PHACTR2: variants seen among roughly 807,000 people sequenced by gnomAD.
PHACTR2 encodes the protein phosphatase and actin regulator 2.
A neutral mutation model predicts 76.0 loss-of-function variants in PHACTR2; 30 were observed. The ratio of observed to expected loss-of-function variants is 0.39; its 90% CI spans 0.30 to 0.54. The LOEUF (loss-of-function observed/expected upper bound fraction) is 0.54. PHACTR2 is among the 20% of genes least tolerant of loss of function. PHACTR2 has a pLI of 0.61. For missense variants in PHACTR2, 696 were observed against 781.1 expected (o/e 0.89, Z 1.30); for synonymous variants, 292 against 292.5 (o/e 1.00, Z 0.02).
rs953098300 is a variant in PHACTR2 at position 143,671,459 on chromosome 6, T to C, written c.14-40557T>C. ...CCTTTGTGTTTTTGCTTAAACATTA[T>C]CTTCTCAGTGAGGACAACTGTGAAC... On this transcript the variant is annotated intron_variant, in intron 1 of 11. Coordinates refer to the PHACTR2 transcript ENST00000305766. This position sits in a 1 kb window ranked among gnomAD's most constrained non-coding sequence, Gnocchi z 4.6. Among the ~76,000 whole-genome samples, 1 of 152,252 alleles carries C rather than the reference T, an allele frequency of 6.6e-6. No homozygotes were observed. Among genetic ancestry groups the C allele is most frequent in the African/African-American group, 2.4e-5 (1 of 41,476 alleles).
chr6:143,795,717 TTAG>T lies in PHACTR2; in HGVS notation c.1845+6812_1845+6814del, dbSNP rs573363390. Among the ~76,000 whole-genome samples, 192 of 152,332 alleles carry T rather than the reference TTAG, an allele frequency of 1.3e-3. No individual in the cohort carries two copies. Among genetic ancestry groups the T allele is most frequent in the African/African-American group, 4.4e-3 (181 of 41,586 alleles). On this transcript the variant is annotated intron_variant, in intron 11 of 12. Coordinates refer to ENST00000440869, the MANE Select transcript of PHACTR2 (RefSeq NM_001100164.2). The surrounding 1 kb of genome is among the most constrained non-coding windows in gnomAD (Gnocchi z 4.8). ...ATGGATTGATCCTTGACTTGGCCAC[TTAG>T]TAGTTGTTTGACCTTGGCCAAGTCA...
intron 1 of PHACTR2, among the ~76,000 whole-genome samples, chr6:143,588,050 A>AAATAC (rs777314759): frequency 6.6e-6 from 1 of 151,350 alleles, no homozygotes; most frequent in Non-Finnish European, 1.5e-5. Context: ...AAATAAAATA[A>AAATAC]AATACTAGTC....
In PHACTR2 at chr6:143,722,997, T is replaced by A. The variant is rs1778478001; in HGVS notation, c.214+10814T>A. The stretch of plus-strand genomic sequence containing the variant: ...GTGGAATAATATTCCATTGTGTATA[T>A]GTACTACATTTTCTTTACCCATTCA... On this transcript the variant is annotated intron_variant, in intron 2 of 12. Transcript: ENST00000440869. This position sits in a 1 kb window ranked among gnomAD's most constrained non-coding sequence, Gnocchi z 4.1. Among the ~76,000 whole-genome samples, 1 of 152,244 alleles carries A rather than the reference T, an allele frequency of 6.6e-6. No individual in the cohort carries two copies. Among genetic ancestry groups the A allele is most frequent in the Non-Finnish European group, 1.5e-5 (1 of 68,042 alleles).
At chr6:143,572,289 AGCATCTCT>A (rs1775454004) in intron 1 of PHACTR2, among the ~76,000 whole-genome samples, 1 of 152,220 alleles carries the variant, frequency 6.6e-6, no homozygotes, top group Non-Finnish European at 1.5e-5. Context: ...TTTTGATAAC[AGCATCTCT>A]GTTTCTCTGG....
At chr6:143,601,754 T>C (rs1370433175) in intron 1 of PHACTR2, among the ~76,000 whole-genome samples, 2 of 152,226 alleles carry the variant, frequency 1.3e-5, no homozygotes, top group African/African-American at 4.8e-5. Context: ...TCTTCTGCAT[T>C]GTTACTGTAA....
At chr6:143,635,316 A>ATGTGTGTGTG (rs71834478) in intron 1 of PHACTR2, among the ~76,000 whole-genome samples, 16 of 149,928 alleles carry the variant, frequency 1.1e-4, no homozygotes, top group African/African-American at 3.7e-4. Context: ...AGCATTTAGG[A>ATGTGTGTGTG]TGTGTGTGTG....
chr6:143,707,955 A>G (rs1778091035), intron 1 of PHACTR2, among the ~76,000 whole-genome samples: 1 of 152,108 alleles, frequency 6.6e-6, no homozygotes, highest in African/African-American at 2.4e-5. Context: ...AACAACTGGA[A>G]TTCATATGAT....
At chr6:143,582,537 A>G (rs1775587657) in intron 1 of PHACTR2, among the ~76,000 whole-genome samples, 1 of 152,146 alleles carries the variant, frequency 6.6e-6, no homozygotes, top group Non-Finnish European at 1.5e-5. Flanking sequence ...ATGATCAGGT[A>G]TGGATTTATA....
Position 143,765,319 on chromosome 6 carries a change from T to G in PHACTR2, c.753T>G (p.Thr251=). 1 of 1,614,162 alleles carries G rather than the reference T, an allele frequency of 6.2e-7. No homozygotes were observed. The highest frequency in any genetic ancestry group is 8.5e-7 in the Non-Finnish European group (1 of 1,180,020). The change falls in exon 6 of 13, where the codon ACT becomes ACG. Residue 251 remains threonine, a synonymous_variant. Transcript: ENST00000440869. This position sits in a 1 kb window ranked among gnomAD's most constrained non-coding sequence, Gnocchi z 4.1. ...TGSKASASPS[T]SSTSSRPKAS... ...CTAAAGCATCAGCTTCGCCATCCAC[T>G]TCATCCACCTCATCTCGTCCCAAAG...
chr6:143,712,767 C>A (rs943467484), intron 2 of PHACTR2, among the ~76,000 whole-genome samples: 4 of 152,110 alleles, frequency 2.6e-5, no homozygotes, highest in African/African-American at 9.7e-5. Context: ...ATCCTTAGGA[C>A]AAATAAATGG....
At chr6:143,705,037 A>G (rs1320862535) in intron 1 of PHACTR2, among the ~76,000 whole-genome samples, 1 of 152,020 alleles carries the variant, frequency 6.6e-6, no homozygotes, top group Non-Finnish European at 1.5e-5. Context: ...TGTGTTAGCC[A>G]GATGGTCTCC....
In PHACTR2 at chr6:143,581,204, G is replaced by C. The variant is rs1214543777; in HGVS notation, c.217+43997G>C. ...ACCCTTGTTCTCAAGTCTCCGTGTG[G>C]ACAGGGGATGAGGGTTACCTGGTTT... is the stretch of plus-strand genomic sequence containing the variant. On this transcript the variant is annotated intron_variant, in intron 1 of 11. Coordinates refer to the PHACTR2 transcript ENST00000367584. The surrounding 1 kb of genome is among the most constrained non-coding windows in gnomAD (Gnocchi z 4.5). Among the ~76,000 whole-genome samples the C allele has an allele frequency of 6.6e-6, 1 of 152,190 alleles. No individual in the cohort carries two copies. Among genetic ancestry groups the C allele is most frequent in the Non-Finnish European group, 1.5e-5 (1 of 68,024 alleles).
At chr6:143,702,017 A>G (rs769514808) in intron 1 of PHACTR2, among the ~76,000 whole-genome samples, 2 of 151,926 alleles carry the variant, frequency 1.3e-5, no homozygotes, top group Non-Finnish European at 2.9e-5. Context: ...AGTTGGAACT[A>G]GGCTCCAACT....
intron 2 of PHACTR2, among the ~76,000 whole-genome samples, chr6:143,712,813 G>C (rs1158903770): frequency 1.6e-4 from 24 of 152,080 alleles, no homozygotes; most frequent in Non-Finnish European, 3.5e-4. Context: ...CAACCCTATT[G>C]GTGTGAAAAT....
At chr6:143,665,331 C>A (rs574357640) in intron 1 of PHACTR2, among the ~76,000 whole-genome samples, 9 of 152,250 alleles carry the variant, frequency 5.9e-5, no homozygotes, top group African/African-American at 1.9e-4. Context: ...ATTTTCTCTA[C>A]ATTTCTGCTG....
At position 143,830,272 on chromosome 6, in the gene PHACTR2, A is replaced by G. The variant is rs1776637579; in HGVS notation, c.*6583A>G. ...GATTTAGGACCTATTAAAAATTCAA[A>G]CAAGTTTCTTTTTTTTTTTTTTTTT... On this transcript the variant is annotated 3_prime_UTR_variant, in exon 13 of 13. Coordinates refer to ENST00000440869, the MANE Select transcript of PHACTR2 (RefSeq NM_001100164.2). 6.6e-6 allele frequency: 1 copy of G among 151,256 alleles called. No individual in the cohort carries two copies. Among genetic ancestry groups the G allele is most frequent in the Admixed American group, 6.6e-5 (1 of 15,198 alleles). The allele number at this position is 151,256 out of a possible 1,614,324, so 9.4% of individuals were successfully genotyped here. A position where few individuals can be genotyped will look rare whatever the true frequency, so the allele number is the denominator to read the frequency against.
chr6:143,648,355 G>A lies in PHACTR2; in HGVS notation c.13+40033G>A, dbSNP rs914552974. 4.6e-5 allele frequency among the ~76,000 whole-genome samples: 7 copies of A among 152,146 alleles called. No individual in the cohort carries two copies. The highest frequency in any genetic ancestry group is 4.8e-5 in the African/African-American group (2 of 41,408). On this transcript the variant is annotated intron_variant, in intron 1 of 11. Coordinates refer to the PHACTR2 transcript ENST00000305766. The surrounding 1 kb of genome is among the most constrained non-coding windows in gnomAD (Gnocchi z 6.7). ...CACTTTGCCTTATTATTTACTAAGC[G>A]TTCATCATAGTTCTAAATAGATTCC...
In PHACTR2 at chr6:143,818,562, C is replaced by T. The variant is rs748993352; in HGVS notation, c.1923-5112C>T. ...TCTCATGCTGTTATAAGGACATACC[C>T]GAGACTGGGTAATTTATAAAGGAAA... On this transcript the variant is annotated intron_variant, in intron 12 of 12. Transcript: ENST00000440869. The surrounding 1 kb of genome is among the most constrained non-coding windows in gnomAD (Gnocchi z 4.9). Among the ~76,000 whole-genome samples the T allele has an allele frequency of 1.3e-5, 2 of 152,112 alleles. No individual in the cohort carries two copies. Among genetic ancestry groups the T allele is most frequent in the African/African-American group, 2.4e-5 (1 of 41,414 alleles).
Position 143,597,498 on chromosome 6 carries a change from G to A in PHACTR2, c.217+60291G>A, listed in dbSNP as rs879393284. On this transcript the variant is annotated intron_variant, in intron 1 of 11. Transcript: ENST00000367584. This position sits in a 1 kb window ranked among gnomAD's most constrained non-coding sequence, Gnocchi z 5.7. ...CCACATGCCAAATGTGAGCAAACAT[G>A]TTTGGAATAAGGTGTATTACATATG... Among the ~76,000 whole-genome samples, 4 of 152,200 alleles carry A rather than the reference G, an allele frequency of 2.6e-5. No homozygotes were observed. The highest frequency in any genetic ancestry group is 5.9e-5 in the Non-Finnish European group (4 of 68,046).
Sources: gnomAD v4.1 joint callset for allele counts (sites outside exome capture counted in the v4.1 genomes callset) on GRCh38, gnomAD v4.1.1 for gene constraint, Gnocchi (gnomAD v3.1) non-coding constraint, MANE v1.5 for transcripts, NCBI Gene and HGNC (gene_info 2026-07-23, HGNC 2026-07-21) for gene names.